Variants in MALRD1 observed in about 807,000 individuals in gnomAD.
MALRD1 encodes MAM and LDL-receptor class A domain-containing protein 1.
Under a neutral mutation model 242.1 loss-of-function variants are expected in MALRD1, and 247 were observed. That is an observed-to-expected ratio of 1.02 (90% CI 0.92 to 1.13). MALRD1 has a LOEUF of 1.13. Among genes scored for constraint, MALRD1 ranks in the 50% most tolerant of loss-of-function variants. The pLI, the probability that MALRD1 is intolerant of heterozygous loss-of-function variation, is 0.00. For missense variants in MALRD1, 2,989 were observed against 2,533.1 expected (o/e 1.18, Z -3.86); for synonymous variants, 995 against 866.6 (o/e 1.15, Z -2.60).
At chr10:19,136,532 A>G (rs986980696) in intron 9 of MALRD1, 42 bp from the exon 10 acceptor site, 1 of 1,110,946 alleles carries the variant, frequency 9.0e-7, no homozygotes, top group Middle Eastern at 3.4e-4. Context: ...TGTCTTATTA[A>G]GGAGATTGCA....
intron 11 of MALRD1, among the ~76,000 whole-genome samples, chr10:19,154,457 A>G (rs1834057482): frequency 1.3e-5 from 2 of 152,138 alleles, no homozygotes; most frequent in South Asian, 2.1e-4. Flanking sequence ...AGTCTTCAAT[A>G]TTCAGTGAAA....
intron 1 of MALRD1, among the ~76,000 whole-genome samples, chr10:19,053,838 T>C (rs951055809): frequency 3.3e-5 from 5 of 152,274 alleles, no homozygotes; most frequent in African/African-American, 1.2e-4. Flanking sequence ...AAATAAGTTC[T>C]TATTTTACAT....
intron 28 of MALRD1, among the ~76,000 whole-genome samples, chr10:19,408,200 G>T (rs1341707483): frequency 6.6e-6 from 1 of 152,166 alleles, no homozygotes; most frequent in Non-Finnish European, 1.5e-5. Context: ...AGGGTCTAGT[G>T]TCTCATGGTA....
At chr10:19,530,318 AATTTATATAAATATATAAT>A (rs1281132554) in intron 31 of MALRD1, among the ~76,000 whole-genome samples, 118 of 63,224 alleles carry the variant, frequency 1.9e-3, no homozygotes, top group South Asian at 4.9e-3. Context: ...GAAATGTTGA[AATTTATATAAATATATAAT>A]ATTTATATAA....
chr10:19,123,525 C>A lies in MALRD1; in HGVS notation c.728C>A (p.Ala243Asp). 8.1e-7 allele frequency: 1 copy of A among 1,233,708 alleles called. No homozygotes were observed. The highest frequency in any genetic ancestry group is 4.1e-5 in the South Asian group (1 of 24,406). The allele number at this position is 1,233,708 out of a possible 1,614,324, so 76.4% of individuals were successfully genotyped here. The stretch of plus-strand genomic sequence containing the variant: ...TTACTGTGTCAAGAAGCATTGAATG[C>A]TGAGCGGGAGCTATGCCATCCAGAT... ...GILLCQEALN[A>D]ERELCHPDTD... Residue 243 changes from alanine (A) to aspartate (D), a missense_variant, in exon 6 of 40, where the codon GCT (alanine) becomes GAT (aspartate). By Grantham distance (126) the Ala-to-Asp change is moderately radical. Coordinates refer to ENST00000454679, the MANE Select transcript of MALRD1 (RefSeq NM_001142308.3).
At chr10:19,188,000 C>T (rs1314292595) in intron 14 of MALRD1, among the ~76,000 whole-genome samples, 8 of 152,188 alleles carry the variant, frequency 5.3e-5, no homozygotes, top group African/African-American at 1.2e-4. Context: ...AAATCACAAT[C>T]TCTAGGGTAG....
intron 11 of MALRD1, among the ~76,000 whole-genome samples, chr10:19,151,980 G>A (rs1833961372): frequency 6.6e-6 from 1 of 152,086 alleles, no homozygotes; most frequent in Non-Finnish European, 1.5e-5. Context: ...GACACGTAAG[G>A]TGTTACTTCT....
chr10:19,276,438 C>T (rs929320189), intron 19 of MALRD1, among the ~76,000 whole-genome samples: 3 of 152,070 alleles, frequency 2.0e-5, no homozygotes, highest in Admixed American at 6.6e-5. Flanking sequence ...GAAATTTGTT[C>T]CATATATTCC....
At position 19,165,267 on chromosome 10, in the gene MALRD1, T is replaced by TATATATA. The variant is rs1564435240; in HGVS notation, c.1657-370_1657-369insATATATA. 1.5e-3 allele frequency among the ~76,000 whole-genome samples: 82 copies of TATATATA among 53,812 alleles called. 7 individuals carry two copies. The highest frequency in any genetic ancestry group is 0.011 in the African/African-American group (72 of 6,688). The allele number at this position is 53,812 out of a possible 152,430, so 35.3% of individuals were successfully genotyped here. ...AATATATATATATATATATATATAT[T>TATATATA]TTGTTTTGTTTTGTTTTTGTTTTGT... is the stretch of plus-strand genomic sequence containing the variant. On this transcript the variant is annotated intron_variant, in intron 12 of 39. Coordinates refer to ENST00000454679, the MANE Select transcript of MALRD1 (RefSeq NM_001142308.3).
chr10:19,306,376 C>A (rs958623062), intron 21 of MALRD1, among the ~76,000 whole-genome samples: 2 of 95,770 alleles, frequency 2.1e-5, no homozygotes, highest in Non-Finnish European at 2.2e-5. Context: ...GTATATATAC[C>A]GTGTATAGTA....
At chr10:19,448,471 AT>A (rs1176977873) in intron 28 of MALRD1, among the ~76,000 whole-genome samples, 2 of 151,986 alleles carry the variant, frequency 1.3e-5, no homozygotes, top group African/African-American at 2.4e-5. Context: ...CATCATTATG[AT>A]TTGTTAAATC....
At chr10:19,486,380 T>G (rs890022933) in intron 29 of MALRD1, among the ~76,000 whole-genome samples, 1 of 152,228 alleles carries the variant, frequency 6.6e-6, no homozygotes, top group African/African-American at 2.4e-5. Context: ...TCAATGCATC[T>G]AGATGTTTAC....
chr10:19,541,124 A>G (rs73595831), intron 32 of MALRD1, among the ~76,000 whole-genome samples: 6,721 of 152,282 alleles, frequency 0.044, 487 homozygotes, highest in African/African-American at 0.15. Context: ...CACTATCAGT[A>G]TTCTGTCTCT....
chr10:19,109,003 G>A (rs935317224), intron 5 of MALRD1, among the ~76,000 whole-genome samples: 51 of 152,246 alleles, frequency 3.3e-4, no homozygotes, highest in Admixed American at 9.8e-4. Flanking sequence ...TTAGAGTATT[G>A]GTTAGATAGG....
At chr10:19,385,052 T>C (rs191904771) in intron 26 of MALRD1, among the ~76,000 whole-genome samples, 26 of 152,056 alleles carry the variant, frequency 1.7e-4, no homozygotes, top group African/African-American at 5.8e-4. Flanking sequence ...TCTGTTAATG[T>C]GGGGTATCAC....
chr10:19,579,979 C>CTCGT (rs1262048277), intron 33 of MALRD1, among the ~76,000 whole-genome samples: 2 of 152,118 alleles, frequency 1.3e-5, no homozygotes, highest in Non-Finnish European at 2.9e-5. Context: ...AGTACACAAC[C>CTCGT]TCGTCCAACA....
intron 38 of MALRD1, among the ~76,000 whole-genome samples, chr10:19,714,645 C>A (rs1405854882): frequency 6.6e-6 from 1 of 152,124 alleles, no homozygotes; most frequent in Admixed American, 6.5e-5. Context: ...CTTCCCTGTC[C>A]CCCTCCCCGT....
intron 28 of MALRD1, among the ~76,000 whole-genome samples, chr10:19,441,817 TC>T (rs1834670759): frequency 2.7e-5 from 2 of 75,172 alleles, no homozygotes; most frequent in African/African-American, 4.7e-5. Context: ...CAATGTGGGC[TC>T]TTTTTTGGTT....
At chr10:19,242,286 TG>T (rs1838826130) in intron 18 of MALRD1, among the ~76,000 whole-genome samples, 1 of 152,118 alleles carries the variant, frequency 6.6e-6, no homozygotes, top group Non-Finnish European at 1.5e-5. Flanking sequence ...AAGAACAGTA[TG>T]GGGGAAACCG....
Sources: allele counts gnomAD v4.1 joint callset (sites outside exome capture counted in the v4.1 genomes callset), GRCh38; gene constraint gnomAD v4.1.1; transcripts MANE v1.5; gene names NCBI Gene and HGNC (gene_info 2026-07-23, HGNC 2026-07-21).